TENM3: variants seen among roughly 807,000 people sequenced by gnomAD.
The protein encoded by TENM3 is teneurin transmembrane protein 3, also known as teneurin-3.
A neutral mutation model predicts 255.1 loss-of-function variants in TENM3; 63 were observed. The ratio of observed to expected loss-of-function variants is 0.25; its 90% CI spans 0.20 to 0.30. The LOEUF (loss-of-function observed/expected upper bound fraction) is 0.30, where lower values mean the gene tolerates loss of function less well. Ranked by LOEUF, TENM3 falls within the 10% of genes least tolerant of loss-of-function variation. The pLI is 1.00. For missense variants in TENM3, 2,929 were observed against 3,461.1 expected, an observed-to-expected ratio of 0.85 and a Z score of 3.86; for synonymous variants, 1,306 against 1,322.3, an observed-to-expected ratio of 0.99 and a Z score of 0.27.
chr4:182,253,485 A>G (rs1276940900), intron 1 of TENM3, among the ~76,000 whole-genome samples: 1 of 152,204 alleles, frequency 6.6e-6, no homozygotes, highest in African/African-American at 2.4e-5. Context: ...CCAGAAAAAT[A>G]ACAGAAGATT....
At position 182,228,392 on chromosome 4, in the gene TENM3, G is replaced by GTGTGTATATA. The variant is rs139457090; in HGVS notation, c.-76+83639_-76+83640insGTGTATATAT. On this transcript the variant is annotated intron_variant, in intron 1 of 2. Transcript: ENST00000512480. ...TGTGTGTGTGTGTGTGTGTGTGTGT[G>GTGTGTATATA]TATATGTAATCCCTCCCAGCTCTAA... 2.2e-4 allele frequency among the ~76,000 whole-genome samples: 23 copies of GTGTGTATATA among 104,428 alleles called. 3 individuals carry two copies. The highest frequency in any genetic ancestry group is 9.8e-4 in the African/African-American group (22 of 22,386). The allele number at this position is 104,428 out of a possible 152,430, so 68.5% of individuals were successfully genotyped here.
the TENM3 span, among the ~76,000 whole-genome samples, chr4:182,068,325 G>A: frequency 1.3e-5 from 2 of 151,872 alleles, no homozygotes; most frequent in African/African-American, 2.4e-5. Context: ...TGGGAAGTTT[G>A]TAAGAAGCTT....
chr4:181,831,797 C>A, the TENM3 span, among the ~76,000 whole-genome samples: 2 of 151,972 alleles, frequency 1.3e-5, no homozygotes, highest in Non-Finnish European at 2.9e-5. Context: ...AGTTACACAA[C>A]AGACAAAATA....
the TENM3 span, among the ~76,000 whole-genome samples, chr4:181,524,313 A>G: frequency 1.3e-5 from 2 of 152,164 alleles, no homozygotes; most frequent in Non-Finnish European, 2.9e-5. Context: ...TAATGGATTG[A>G]TTAGGATAAC....
chr4:182,654,328 C>G (rs1753577215), intron 6 of TENM3, among the ~76,000 whole-genome samples: 1 of 152,088 alleles, frequency 6.6e-6, no homozygotes, highest in Non-Finnish European at 1.5e-5. Flanking sequence ...GTTTATTGAC[C>G]TTTTCTCTGG....
At chr4:182,687,881 G>T (rs1003811335) in intron 11 of TENM3, among the ~76,000 whole-genome samples, 6 of 151,966 alleles carry the variant, frequency 3.9e-5, no homozygotes, top group Non-Finnish European at 5.9e-5. Context: ...ATAAAGTATT[G>T]TATATGTAAA....
intron 3 of TENM3, among the ~76,000 whole-genome samples, chr4:182,378,890 G>A (rs1767370879): frequency 6.6e-6 from 1 of 151,660 alleles, no homozygotes; most frequent in South Asian, 2.1e-4. Flanking sequence ...ACTCAGGCCA[G>A]TCTAACTTCA....
chr4:181,843,635 T>C, the TENM3 span, among the ~76,000 whole-genome samples: 1 of 151,844 alleles, frequency 6.6e-6, no homozygotes, highest in African/African-American at 2.4e-5. Context: ...GGGTAGTTTA[T>C]AAAGTAAAGA....
chr4:182,206,269 C>A (rs1754569584), intron 1 of TENM3, among the ~76,000 whole-genome samples: 1 of 152,152 alleles, frequency 6.6e-6, no homozygotes. Flanking sequence ...CAGCCCTGCT[C>A]TATTGTCAGA....
At chr4:182,514,688 G>C (rs924724529) in intron 3 of TENM3, among the ~76,000 whole-genome samples, 1 of 151,984 alleles carries the variant, frequency 6.6e-6, no homozygotes, top group South Asian at 2.1e-4. Context: ...CCACTAAATT[G>C]AGTTCATGAA....
At chr4:182,644,943 C>G (rs1752616645) in intron 5 of TENM3, among the ~76,000 whole-genome samples, 1 of 151,744 alleles carries the variant, frequency 6.6e-6, no homozygotes, top group South Asian at 2.1e-4. Flanking sequence ...TTTTTTTTCT[C>G]ATTGACTTGG....
At chr4:182,102,591 TTG>T in the TENM3 span, among the ~76,000 whole-genome samples, 1 of 152,208 alleles carries the variant, frequency 6.6e-6, no homozygotes, top group Non-Finnish European at 1.5e-5. Flanking sequence ...TGTGCTAAAA[TTG>T]TTTCTGAATC....
chr4:181,828,217 C>T, the TENM3 span, among the ~76,000 whole-genome samples: 4 of 152,178 alleles, frequency 2.6e-5, no homozygotes, highest in Admixed American at 2.6e-4. Flanking sequence ...TGCTCCTTCC[C>T]TTACTGCCAA....
chr4:182,351,851 G>T (rs895293937), intron 3 of TENM3, among the ~76,000 whole-genome samples: 7 of 152,144 alleles, frequency 4.6e-5, no homozygotes. Context: ...AGTAAACAGG[G>T]CTCTAGTCCT....
At chr4:181,620,981 A>G in the TENM3 span, among the ~76,000 whole-genome samples, 30 of 152,260 alleles carry the variant, frequency 2.0e-4, no homozygotes, top group South Asian at 5.4e-3. Flanking sequence ...TGTCCTCTTG[A>G]CTTCTGCATT....
At chr4:181,838,371 T>A in the TENM3 span, among the ~76,000 whole-genome samples, 1 of 152,314 alleles carries the variant, frequency 6.6e-6, no homozygotes, top group East Asian at 1.9e-4. Context: ...ATTTGCTCAC[T>A]TCAAAAGAAT....
At chr4:182,103,586 C>A in the TENM3 span, among the ~76,000 whole-genome samples, 1 of 152,214 alleles carries the variant, frequency 6.6e-6, no homozygotes, top group Non-Finnish European at 1.5e-5. Flanking sequence ...ACAAAGCCTG[C>A]AATCCAGCAC....
At chr4:182,713,132 C>T (rs1758885983) in intron 12 of TENM3, among the ~76,000 whole-genome samples, 1 of 152,064 alleles carries the variant, frequency 6.6e-6, no homozygotes, top group Non-Finnish European at 1.5e-5. Context: ...AATTGTTTCC[C>T]AAATTTTCCC....
intron 1 of TENM3, among the ~76,000 whole-genome samples, chr4:182,167,822 T>C (rs1476285342): frequency 6.6e-6 from 1 of 152,006 alleles, no homozygotes; most frequent in Non-Finnish European, 1.5e-5. Flanking sequence ...GAGGTGGAGG[T>C]GCAGTGAGCT....
Sources: gnomAD v4.1 joint callset for allele counts (sites outside exome capture counted in the v4.1 genomes callset) on GRCh38, gnomAD v4.1.1 for gene constraint, MANE v1.5 for transcripts, NCBI Gene and HGNC (gene_info 2026-07-23, HGNC 2026-07-21) for gene names.